The following PRKG2 variants were observed in gnomAD, a reference collection of about 807,000 sequenced individuals.
PRKG2 encodes the protein protein kinase cGMP-dependent 2.
PRKG2 carries 33 observed loss-of-function variants against 97.2 expected under a neutral mutation model. The ratio of observed to expected loss-of-function variants is 0.34; its 90% CI spans 0.26 to 0.45. The LOEUF (loss-of-function observed/expected upper bound fraction) is 0.45, where lower values mean the gene tolerates loss of function less well. Ranked by LOEUF, PRKG2 falls within the 20% of genes least tolerant of loss-of-function variation. The pLI is 1.00. For synonymous variants in PRKG2, 330 were observed against 321.8 expected (o/e 1.03, Z -0.27); for missense variants, 638 against 900.0 (o/e 0.71, Z 3.73).
At chr4:81,193,211 T>G (rs899742585) in intron 2 of PRKG2, 13 of 152,272 alleles carry the variant, frequency 8.5e-5, no homozygotes, top group African/African-American at 3.1e-4. Flanking sequence ...ATAGCTTAAT[T>G]ATATCTACAT....
At chr4:81,169,155 C>T (rs761337977) in intron 5 of PRKG2, among the ~76,000 whole-genome samples, 1 of 151,844 alleles carries the variant, frequency 6.6e-6, no homozygotes, top group African/African-American at 2.4e-5. Context: ...GTCATCATGA[C>T]AAGTATAGTA....
intron 2 of PRKG2, among the ~76,000 whole-genome samples, chr4:81,185,268 C>G (rs1204535892): frequency 6.6e-6 from 1 of 152,174 alleles, no homozygotes; most frequent in Non-Finnish European, 1.5e-5. Flanking sequence ...ATCAGACTAA[C>G]AGTGGATCTC....
intron 11 of PRKG2, among the ~76,000 whole-genome samples, chr4:81,141,260 C>T (rs1747258074): frequency 2.0e-5 from 3 of 152,176 alleles, no homozygotes; most frequent in African/African-American, 7.2e-5. Flanking sequence ...ATCCTTCCAC[C>T]TTGGCTTCCC....
In PRKG2 at chr4:81,092,467, A is replaced by AGGAAGGAAGGAAGGAAGGAAGGAG; in HGVS notation, c.2127-16_2127-15insCTCCTTCCTTCCTTCCTTCCTTCC. On this transcript the variant is annotated splice_polypyrimidine_tract_variant and intron_variant, in intron 17 of 18. Transcript: ENST00000264399. The stretch of plus-strand genomic sequence containing the variant: ...CATTTAACCACCTGAGAAATGAGAA[A>AGGAAGGAAGGAAGGAAGGAAGGAG]GGAAGGAAGGAAGGAAGGAAGGAAG... 1.8e-6 allele frequency: 1 copy of AGGAAGGAAGGAAGGAAGGAAGGAG among 541,460 alleles called. No individual in the cohort carries two copies. The highest frequency in any genetic ancestry group is 2.9e-5 in the African/African-American group (1 of 34,870). The allele number at this position is 541,460 out of a possible 1,614,324, so 33.5% of individuals were successfully genotyped here. A position where few individuals can be genotyped will look rare whatever the true frequency, so the allele number is the denominator to read the frequency against.
chr4:81,092,309 A>G (rs1741619575), intron 18 of PRKG2, 77 bp downstream of exon 18: 2 of 963,160 alleles, frequency 2.1e-6, no homozygotes, highest in Admixed American at 2.5e-5. Context: ...GGGCATATAC[A>G]TACACACATC....
intron 3 of PRKG2, chr4:81,173,794 G>C (rs975162991): frequency 6.6e-6 from 1 of 151,862 alleles, no homozygotes; most frequent in African/African-American, 2.4e-5. Context: ...AGGCCCCAAA[G>C]GAACAAGAAT....
At chr4:81,102,097 T>G (rs972784497) in intron 17 of PRKG2, among the ~76,000 whole-genome samples, 5 of 152,200 alleles carry the variant, frequency 3.3e-5, no homozygotes, top group African/African-American at 1.2e-4. Flanking sequence ...CTCTATACTC[T>G]GCACTCAGAG....
intron 3 of PRKG2, among the ~76,000 whole-genome samples, chr4:81,172,826 T>C (rs1298776457): frequency 6.6e-6 from 1 of 152,058 alleles, no homozygotes; most frequent in Non-Finnish European, 1.5e-5. Context: ...CGAGTACCTA[T>C]GTTGTGCTGG....
chr4:81,097,992 G>A (rs1478679311), intron 17 of PRKG2, among the ~76,000 whole-genome samples: 1 of 152,092 alleles, frequency 6.6e-6, no homozygotes, highest in Middle Eastern at 3.2e-3. Flanking sequence ...ATAATGAGAG[G>A]CAAGTTGATT....
intron 12 of PRKG2, among the ~76,000 whole-genome samples, chr4:81,139,410 A>C (rs111495923): frequency 1.1e-4 from 17 of 152,252 alleles, no homozygotes; most frequent in African/African-American, 3.9e-4. Flanking sequence ...TCATATATAC[A>C]TATACACACA....
At chr4:81,093,437 AC>A (rs1332794439) in intron 17 of PRKG2, among the ~76,000 whole-genome samples, 2 of 148,394 alleles carry the variant, frequency 1.3e-5, no homozygotes, top group Non-Finnish European at 3.0e-5. Flanking sequence ...ACTTTATCTT[AC>A]CCCCTTAGCA....
intron 2 of PRKG2, among the ~76,000 whole-genome samples, chr4:81,179,127 A>G (rs992546792): frequency 6.6e-6 from 1 of 151,932 alleles, no homozygotes; most frequent in South Asian, 2.1e-4. Context: ...TCTGTCCCAA[A>G]AACAAACAAA....
intron 14 of PRKG2, among the ~76,000 whole-genome samples, chr4:81,130,375 G>C (rs913610691): frequency 1.3e-5 from 2 of 152,168 alleles, no homozygotes; most frequent in Non-Finnish European, 2.9e-5. Flanking sequence ...TCATCCCAGA[G>C]GGGCACCTGC....
intron 15 of PRKG2, 128 bp from the exon 16 acceptor site, chr4:81,106,063 G>T: frequency 8.9e-7 from 1 of 1,124,710 alleles, no homozygotes. Context: ...TGTCTCAGTT[G>T]TTTTACAACA....
At chr4:81,106,771 A>G (rs557254215) in intron 15 of PRKG2, among the ~76,000 whole-genome samples, 3 of 152,188 alleles carry the variant, frequency 2.0e-5, no homozygotes, top group Non-Finnish European at 4.4e-5. Flanking sequence ...AGGTAATTAA[A>G]TCAGAAGGGT....
At chr4:81,109,010 T>C (rs918669534) in intron 15 of PRKG2, among the ~76,000 whole-genome samples, 4 of 152,230 alleles carry the variant, frequency 2.6e-5, no homozygotes, top group African/African-American at 9.6e-5. Flanking sequence ...AGCCAGCATG[T>C]ATCTCTTACA....
At position 81,211,753 on chromosome 4, in the gene PRKG2, G is replaced by A. The variant is rs555025917; in HGVS notation, c.-14+3183C>T. 1.1e-4 allele frequency among the ~76,000 whole-genome samples: 17 copies of A among 152,204 alleles called. No individual in the cohort carries two copies. The East Asian group carries it at 1.2e-3, about 10-fold the overall frequency. On this transcript the variant is annotated intron_variant, in intron 1 of 18. Coordinates refer to ENST00000264399, the MANE Select transcript of PRKG2 (RefSeq NM_006259.3). ...CTCAAGAAAAAAATTGACCATCTCC[G>A]TGGTAGCCAGAGAGAAAAACATTGC...
Position 81,174,846 on chromosome 4 carries a change from C to T in PRKG2, c.575G>A (p.Gly192Glu). 2.5e-6 allele frequency: 4 copies of T among 1,613,234 alleles called. No individual in the cohort carries two copies. Among genetic ancestry groups the T allele is most frequent in the Non-Finnish European group, 3.4e-6 (4 of 1,179,452 alleles). The change falls in exon 3 of 19, where the codon GGG becomes GAG. Residue 192 changes from glycine to glutamate, a missense_variant. This residue lies in a region of PRKG2 where 332 missense variants were observed against 421.7 expected (regional missense o/e 0.79). Coordinates refer to ENST00000264399, the MANE Select transcript of PRKG2 (RefSeq NM_006259.3). Reference sequence around the variant, plus strand: ...TTCTCCTTGCTTAATAATGTAACTCCCTTGCTGATAGTTTCTCCCATACAT... The same window carrying T: ...TTCTCCTTGCTTAATAATGTAACTCTCTTGCTGATAGTTTCTCCCATACAT... ...ECMYGRNYQQ[G>E]SYIIKQGEPG...
intron 2 of PRKG2, among the ~76,000 whole-genome samples, chr4:81,200,169 CATGGTTGT>C (rs896031648): frequency 2.0e-5 from 3 of 152,190 alleles, no homozygotes; most frequent in Admixed American, 6.5e-5. Context: ...CATCTGAATG[CATGGTTGT>C]CTTGGTGCTC....
Sources: allele counts gnomAD v4.1 joint callset (sites outside exome capture counted in the v4.1 genomes callset), GRCh38; gene constraint gnomAD v4.1.1; regional missense constraint gnomAD v4.1.1; transcripts MANE v1.5; gene names NCBI Gene and HGNC (gene_info 2026-07-23, HGNC 2026-07-21).